Variants in MAN2A1 observed in about 807,000 individuals in gnomAD.
MAN2A1 encodes the protein alpha-mannosidase 2.
MAN2A1 carries 76 observed loss-of-function variants against 142.6 expected under a neutral mutation model. The ratio of observed to expected loss-of-function variants is 0.53; its 90% CI spans 0.44 to 0.65. MAN2A1 has a LOEUF of 0.65. MAN2A1 is among the 30% of genes least tolerant of loss of function. MAN2A1 has a pLI of 0.00. For missense variants in MAN2A1, 1,311 were observed against 1,365.1 expected (o/e 0.96, Z 0.62); for synonymous variants, 559 against 473.2 (o/e 1.18, Z -2.35).
chr5:109,807,065 C>T (rs1010201639), intron 12 of MAN2A1, among the ~76,000 whole-genome samples: 40 of 151,870 alleles, frequency 2.6e-4, no homozygotes, highest in Admixed American at 3.9e-4. Flanking sequence ...TAAGAGCAGG[C>T]CATATTTGTT....
intron 16 of MAN2A1, among the ~76,000 whole-genome samples, chr5:109,833,689 T>TGGGGGGGGGGGGGGGGG (rs1754989001): frequency 8.4e-5 from 1 of 11,836 alleles, no homozygotes; most frequent in African/African-American, 3.7e-4. Context: ...AGGGAGACTG[T>TGGGGGGGGGGGGGGGGG]GGGGAGGGGG....
intron 4 of MAN2A1, among the ~76,000 whole-genome samples, chr5:109,730,068 G>GT (rs961458006): frequency 1.3e-5 from 2 of 151,840 alleles, no homozygotes; most frequent in South Asian, 2.1e-4. Flanking sequence ...TAGTTTAAAA[G>GT]TTTTTTTTAA....
Position 109,705,525 on chromosome 5 carries a change from A to C in MAN2A1, c.136-7995A>C, listed in dbSNP as rs547753168. Among the ~76,000 whole-genome samples, 36 of 152,250 alleles carry C rather than the reference A, an allele frequency of 2.4e-4. 1 individual carries two copies. In the South Asian group the frequency reaches 7.5e-3, roughly 32 times the overall value. Reference sequence around the variant, plus strand: ...TTAGGGTCATGGCTCTCCAGCTCTGATGATGGAGATTTGGGCAAGAATTTC... The same window carrying C: ...TTAGGGTCATGGCTCTCCAGCTCTGCTGATGGAGATTTGGGCAAGAATTTC... On this transcript the variant is annotated intron_variant, in intron 1 of 21. Coordinates refer to ENST00000261483, the MANE Select transcript of MAN2A1 (RefSeq NM_002372.4).
chr5:109,696,541 AT>A (rs1561464275), intron 1 of MAN2A1, among the ~76,000 whole-genome samples: 1 of 152,100 alleles, frequency 6.6e-6, no homozygotes, highest in Non-Finnish European at 1.5e-5. Flanking sequence ...TGCTGTTGAC[AT>A]TTTGGGCCAG....
At chr5:109,835,081 G>A (rs764937791) in intron 16 of MAN2A1, among the ~76,000 whole-genome samples, 6 of 152,088 alleles carry the variant, frequency 3.9e-5, no homozygotes, top group African/African-American at 4.8e-5. Context: ...CATACTTATC[G>A]AATTAAGCAG....
intron 5 of MAN2A1, among the ~76,000 whole-genome samples, chr5:109,756,703 G>C (rs1752699012): frequency 6.6e-6 from 1 of 152,164 alleles, no homozygotes; most frequent in South Asian, 2.1e-4. Context: ...TCATGCCCGT[G>C]TAGAAAATAG....
chr5:109,829,760 A>G (rs1754857017), intron 16 of MAN2A1, among the ~76,000 whole-genome samples: 1 of 152,204 alleles, frequency 6.6e-6, no homozygotes. Flanking sequence ...TTGAGTGGAA[A>G]GTTTCCTCAA....
At chr5:109,863,453 A>G (rs981651498) in intron 20 of MAN2A1, 1 of 152,228 alleles carries the variant, frequency 6.6e-6, no homozygotes, top group Non-Finnish European at 1.5e-5. Flanking sequence ...CCAGATCTCC[A>G]GCTGTCTGAC....
chr5:109,760,139 C>A (rs1425636980), intron 5 of MAN2A1, among the ~76,000 whole-genome samples: 4 of 152,106 alleles, frequency 2.6e-5, no homozygotes, highest in African/African-American at 9.7e-5. Flanking sequence ...CCTTCCCTAG[C>A]CTCCCAGCCC....
chr5:109,743,328 A>G (rs932213464), intron 4 of MAN2A1, among the ~76,000 whole-genome samples: 1 of 152,202 alleles, frequency 6.6e-6, no homozygotes, highest in East Asian at 1.9e-4. Flanking sequence ...TAAAGATCCA[A>G]CCTGGACTTC....
At chr5:109,826,241 ATT>A (rs1302061217) in intron 16 of MAN2A1, among the ~76,000 whole-genome samples, 1 of 151,422 alleles carries the variant, frequency 6.6e-6, no homozygotes, top group African/African-American at 2.4e-5. Flanking sequence ...TTTCTAGATT[ATT>A]TGTCTTCTCT....
At chr5:109,738,552 G>A (rs1352497012) in intron 4 of MAN2A1, among the ~76,000 whole-genome samples, 1 of 152,056 alleles carries the variant, frequency 6.6e-6, no homozygotes, top group Non-Finnish European at 1.5e-5. Context: ...GTCCGCCTAG[G>A]TTCAAATTCT....
chr5:109,842,501 G>A (rs374591119), intron 17 of MAN2A1, 40 bp downstream of exon 17: 20 of 1,374,922 alleles, frequency 1.5e-5, no homozygotes, highest in Non-Finnish European at 2.0e-5. Flanking sequence ...TGGTTGTATT[G>A]GTGTGTAATT....
intron 16 of MAN2A1, among the ~76,000 whole-genome samples, chr5:109,832,768 G>A (rs555901073): frequency 5.2e-4 from 79 of 151,130 alleles, no homozygotes; most frequent in Middle Eastern, 7.1e-3. Context: ...CCGGGCCGGG[G>A]CTGCCCCCCA....
At chr5:109,716,019 A>C in intron 2 of MAN2A1, 101 bp from the exon 3 acceptor site, 1 of 675,184 alleles carries the variant, frequency 1.5e-6, no homozygotes, top group East Asian at 2.9e-5. Context: ...ATTTTATAAA[A>C]TACATATGCA....
chr5:109,781,473 G>A lies in MAN2A1; in HGVS notation c.1452G>A (p.Ser484=), dbSNP rs1215064554. Residue 484 remains serine (S), a synonymous_variant, in exon 9 of 22, where the codon TCG becomes TCA. Transcript: ENST00000261483. ...ADETQRDKGQ[S]MFPVLSGDFF... The stretch of plus-strand genomic sequence containing the variant: ...AAACTCAGAGAGACAAGGGCCAATC[G>A]ATGTTCCCTGTTTTAAGTGGAGATT... The A allele has an allele frequency of 3.0e-5, 48 of 1,613,284 alleles. No homozygotes were observed. The highest frequency in any genetic ancestry group is 3.5e-5 in the Non-Finnish European group (41 of 1,179,702).
chr5:109,724,374 A>G (rs1294689233), intron 3 of MAN2A1, among the ~76,000 whole-genome samples: 2 of 152,178 alleles, frequency 1.3e-5, no homozygotes, highest in Admixed American at 1.3e-4. Flanking sequence ...CCTCAACATC[A>G]TGCAATATAC....
intron 20 of MAN2A1, among the ~76,000 whole-genome samples, chr5:109,859,508 T>A (rs1755703764): frequency 6.6e-6 from 1 of 152,184 alleles, no homozygotes; most frequent in African/African-American, 2.4e-5. Context: ...ACCCATTAGC[T>A]TTCCTATTCT....
intron 12 of MAN2A1, chr5:109,804,360 A>AT (rs201806481): frequency 4.6e-5 from 38 of 833,442 alleles, no homozygotes; most frequent in South Asian, 2.7e-4. Flanking sequence ...TAAAATTTTT[A>AT]TTTTTTTTAG....
Sources: gnomAD v4.1 joint callset for allele counts (sites outside exome capture counted in the v4.1 genomes callset) on GRCh38, gnomAD v4.1.1 for gene constraint, MANE v1.5 for transcripts, NCBI Gene and HGNC (gene_info 2026-07-23, HGNC 2026-07-21) for gene names.